The following CEP63 variants were observed in gnomAD, a reference collection of about 807,000 sequenced individuals.
The protein encoded by CEP63 is centrosomal protein 63.
A neutral mutation model predicts 89.1 loss-of-function variants in CEP63; 84 were observed. The observed-to-expected ratio is 0.94, with a 90% CI of 0.79 to 1.13. The LOEUF is 1.13. Ranked by LOEUF, CEP63 falls within the 50% of genes most tolerant of loss-of-function variation. The pLI, the probability that CEP63 is intolerant of heterozygous loss-of-function variation, is 0.00. For synonymous variants in CEP63, 267 were observed against 272.5 expected, an observed-to-expected ratio of 0.98 and a Z score of 0.20; for missense variants, 838 against 813.3, an observed-to-expected ratio of 1.03 and a Z score of -0.37.
At chr3:134,754,916 G>T in the CEP63 span, among the ~76,000 whole-genome samples, 1 of 151,990 alleles carries the variant, frequency 6.6e-6, no homozygotes, top group African/African-American at 2.4e-5. Flanking sequence ...GACATTTGGG[G>T]GTCTCATGGA....
chr3:134,629,111 T>C, the CEP63 span, among the ~76,000 whole-genome samples: 1 of 152,198 alleles, frequency 6.6e-6, no homozygotes, highest in African/African-American at 2.4e-5. Context: ...TGCACTGCAC[T>C]GAGGGCAGCA....
chr3:134,496,440 G>GT lies in CEP63; in HGVS notation c.44+1076_44+1077insT, dbSNP rs1553742044. Among the ~76,000 whole-genome samples, 24 of 148,220 alleles carry GT rather than the reference G, an allele frequency of 1.6e-4. 1 individual carries two copies. The highest frequency in any genetic ancestry group is 2.2e-4 in the South Asian group (1 of 4,550). On this transcript the variant is annotated intron_variant, in intron 2 of 14. Transcript: ENST00000675561. ...AAAGGATAGAAAAAAAAGGGGGGGG[G>GT]GGCTAAAGAACTAGTCCAAAGAGAA...
chr3:134,491,050 T>C (rs1263238423), intron 1 of CEP63, among the ~76,000 whole-genome samples: 1 of 152,222 alleles, frequency 6.6e-6, no homozygotes, highest in East Asian at 1.9e-4. Context: ...ATATGTTGTT[T>C]TGCATTTTTG....
chr3:134,698,624 G>A, the CEP63 span, among the ~76,000 whole-genome samples: 9 of 152,304 alleles, frequency 5.9e-5, no homozygotes, highest in East Asian at 1.9e-4. Flanking sequence ...AAAGCCTCAC[G>A]CTCTGGAGAA....
chr3:134,752,295 C>T, the CEP63 span, among the ~76,000 whole-genome samples: 1 of 152,140 alleles, frequency 6.6e-6, no homozygotes, highest in African/African-American at 2.4e-5. Context: ...GGAGGACTTC[C>T]CAGGATGACA....
intron 3 of CEP63, among the ~76,000 whole-genome samples, chr3:134,529,897 G>A (rs1949514199): frequency 8.6e-6 from 1 of 116,484 alleles, no homozygotes; most frequent in Admixed American, 9.9e-5. Flanking sequence ...TTTTTTAGAC[G>A]GGGTCTTGCT....
chr3:134,719,841 A>G, the CEP63 span, among the ~76,000 whole-genome samples: 1 of 152,202 alleles, frequency 6.6e-6, no homozygotes, highest in Non-Finnish European at 1.5e-5. Flanking sequence ...TTCATTGCAT[A>G]GATGTATCAC....
chr3:134,554,314 A>G lies in CEP63; in HGVS notation c.1467+2302A>G, dbSNP rs1198868985. ...TGATCTCATTGTTCAATTCCCACCTATGAGTGAGAATATGCAGTGTTTGGT... is the reference window on the plus strand; with the variant it reads ...TGATCTCATTGTTCAATTCCCACCTGTGAGTGAGAATATGCAGTGTTTGGT... On this transcript the variant is annotated intron_variant, in intron 12 of 14. Coordinates refer to ENST00000675561, the MANE Select transcript of CEP63 (RefSeq NM_001353108.3). 3.3e-5 allele frequency among the ~76,000 whole-genome samples: 5 copies of G among 149,742 alleles called. No homozygotes were observed. The East Asian group carries it at 5.9e-4, about 18-fold the overall frequency.
At chr3:134,486,603 AC>A (rs1935501525) in intron 1 of CEP63, 1 of 934,994 alleles carries the variant, frequency 1.1e-6, no homozygotes, top group African/African-American at 1.8e-5. Context: ...CGGCGGACCC[AC>A]CTTCCTTTTC....
At chr3:134,579,627 GTTGT>G (rs760303145), downstream of CEP63, among the ~76,000 whole-genome samples, 7 of 152,064 alleles carry the variant, frequency 4.6e-5, no homozygotes, top group Non-Finnish European at 1.0e-4. Flanking sequence ...TTTTAATTGG[GTTGT>G]TTATTTTCAT....
intron 2 of CEP63, among the ~76,000 whole-genome samples, chr3:134,500,435 A>G (rs547549034): frequency 6.6e-6 from 1 of 152,070 alleles, no homozygotes; most frequent in East Asian, 1.9e-4. Flanking sequence ...AGAATTATTT[A>G]TTTTCCTTCG....
the CEP63 span, chr3:134,604,578 TA>T: frequency 1.0e-6 from 1 of 977,374 alleles, no homozygotes; most frequent in African/African-American, 1.6e-5. Flanking sequence ...TCCTGACTTA[TA>T]GAGCTTGTCT....
chr3:134,745,001 T>G, the CEP63 span, among the ~76,000 whole-genome samples: 1 of 152,224 alleles, frequency 6.6e-6, no homozygotes, highest in Non-Finnish European at 1.5e-5. Context: ...ATGTATACAC[T>G]CATGGAATCA....
intron 6 of CEP63, among the ~76,000 whole-genome samples, chr3:134,544,770 G>A (rs561932829): frequency 3.9e-5 from 6 of 152,134 alleles, no homozygotes; most frequent in Admixed American, 3.3e-4. Flanking sequence ...CCAGGTTGCG[G>A]TTGAATTTCT....
At chr3:134,496,301 C>T (rs973077330) in intron 2 of CEP63, among the ~76,000 whole-genome samples, 2 of 152,158 alleles carry the variant, frequency 1.3e-5, no homozygotes, top group Non-Finnish European at 2.9e-5. Context: ...CATACAGGCT[C>T]AAGCCTCTCC....
chr3:134,685,992 C>T, the CEP63 span, among the ~76,000 whole-genome samples: 1 of 152,226 alleles, frequency 6.6e-6, no homozygotes, highest in Non-Finnish European at 1.5e-5. Flanking sequence ...CAAACACTGA[C>T]TTGCTCCAAG....
At chr3:134,673,948 C>G in the CEP63 span, among the ~76,000 whole-genome samples, 1 of 152,234 alleles carries the variant, frequency 6.6e-6, no homozygotes, top group South Asian at 2.1e-4. Flanking sequence ...ATCTCTTACT[C>G]TGATCCCAGG....
the CEP63 span, among the ~76,000 whole-genome samples, chr3:134,624,134 C>T: frequency 6.6e-6 from 1 of 152,142 alleles, no homozygotes; most frequent in African/African-American, 2.4e-5. Flanking sequence ...GGTACTGATG[C>T]ACCCTCCAGG....
chr3:134,490,044 C>T (rs1418804548), intron 1 of CEP63, among the ~76,000 whole-genome samples: 1 of 152,066 alleles, frequency 6.6e-6, no homozygotes, highest in Non-Finnish European at 1.5e-5. Flanking sequence ...TTCTGGTCTT[C>T]AAGGAGCCGT....
Sources: gnomAD v4.1 joint callset for allele counts (sites outside exome capture counted in the v4.1 genomes callset) on GRCh38, gnomAD v4.1.1 for gene constraint, MANE v1.5 for transcripts, NCBI Gene and HGNC (gene_info 2026-07-23, HGNC 2026-07-21) for gene names.